The following SLC35D4 variants were observed in gnomAD, a reference collection of about 807,000 sequenced individuals.
SLC35D4 encodes the protein solute carrier family 35 member D4.
At chr18:23,337,581 A>T in the SLC35D4 span, among the ~76,000 whole-genome samples, 1 of 152,220 alleles carries the variant, frequency 6.6e-6, no homozygotes, top group Non-Finnish European at 1.5e-5. Context: ...AAACATCGAG[A>T]GTTTTACCAA....
chr18:23,365,805 A>G, the SLC35D4 span: 1 of 898,630 alleles, frequency 1.1e-6, no homozygotes, highest in Non-Finnish European at 1.7e-6. Flanking sequence ...GCCTAAATCC[A>G]GCTCCTCAGA....
chr18:23,384,340 T>C, the SLC35D4 span, among the ~76,000 whole-genome samples: 1 of 151,278 alleles, frequency 6.6e-6, no homozygotes, highest in Admixed American at 6.6e-5. Flanking sequence ...TGAAATCAAA[T>C]AGCAAATGCC....
the SLC35D4 span, among the ~76,000 whole-genome samples, chr18:23,419,402 C>T: frequency 6.6e-6 from 1 of 152,016 alleles, no homozygotes; most frequent in Non-Finnish European, 1.5e-5. Flanking sequence ...AAGCGATTCT[C>T]CTGCCTCAGC....
the SLC35D4 span, among the ~76,000 whole-genome samples, chr18:23,313,486 A>G: frequency 6.6e-6 from 1 of 152,150 alleles, no homozygotes; most frequent in Non-Finnish European, 1.5e-5. Context: ...GCAAAACTTT[A>G]ATTCCTGACT....
chr18:23,383,640 C>G, the SLC35D4 span, among the ~76,000 whole-genome samples: 2 of 151,966 alleles, frequency 1.3e-5, no homozygotes, highest in Non-Finnish European at 2.9e-5. Context: ...GGGAGGTGCA[C>G]GGGCAAGGCA....
chr18:23,430,602 T>C, the SLC35D4 span: 30 of 1,563,840 alleles, frequency 1.9e-5, no homozygotes, highest in South Asian at 3.5e-4. Context: ...TTCCTAAAAA[T>C]GTATATAAAG....
At chr18:23,276,174 G>A in the SLC35D4 span, among the ~76,000 whole-genome samples, 9 of 151,524 alleles carry the variant, frequency 5.9e-5, no homozygotes, top group South Asian at 1.2e-3. Flanking sequence ...TGCAAGCTCC[G>A]CCTCCCGGGT....
At chr18:23,436,715 C>A in the SLC35D4 span, among the ~76,000 whole-genome samples, 1 of 152,142 alleles carries the variant, frequency 6.6e-6, no homozygotes, top group Non-Finnish European at 1.5e-5. Flanking sequence ...ATCGCTTGAA[C>A]CCAGGAGGCA....
the SLC35D4 span, among the ~76,000 whole-genome samples, chr18:23,290,713 A>C: frequency 2.0e-5 from 3 of 148,738 alleles, no homozygotes; most frequent in African/African-American, 5.0e-5. Flanking sequence ...TGCAACCTCC[A>C]CTTCTTGGGT....
chr18:23,314,732 A>AT, the SLC35D4 span, among the ~76,000 whole-genome samples: 2,623 of 152,230 alleles, frequency 0.017, 35 homozygotes, highest in Non-Finnish European at 0.028. Context: ...TAAAAAACAG[A>AT]TTTTTCCCAA....
At chr18:23,321,102 T>C in the SLC35D4 span, among the ~76,000 whole-genome samples, 1 of 152,194 alleles carries the variant, frequency 6.6e-6, no homozygotes, top group South Asian at 2.1e-4. Context: ...GCCAGATCTT[T>C]AGCCTACACC....
At chr18:23,252,726 C>T in the SLC35D4 span, among the ~76,000 whole-genome samples, 3 of 152,264 alleles carry the variant, frequency 2.0e-5, no homozygotes, top group South Asian at 2.1e-4. Context: ...GTCTACAGGC[C>T]GGCTTTCCTA....
chr18:23,411,467 A>G, the SLC35D4 span, among the ~76,000 whole-genome samples: 5 of 136,238 alleles, frequency 3.7e-5, no homozygotes, highest in Admixed American at 3.1e-4. Context: ...AAAGAAAGAA[A>G]AAAGAAAGAA....
the SLC35D4 span, among the ~76,000 whole-genome samples, chr18:23,301,760 G>A: frequency 2.0e-5 from 3 of 152,300 alleles, no homozygotes; most frequent in African/African-American, 7.2e-5. Flanking sequence ...AATTCCACTT[G>A]ACAAGGATAC....
At chr18:23,364,534 T>C in the SLC35D4 span, among the ~76,000 whole-genome samples, 1 of 152,200 alleles carries the variant, frequency 6.6e-6, no homozygotes, top group African/African-American at 2.4e-5. Context: ...AAAACTGTGA[T>C]GGAATAGGGT....
chr18:23,262,179 T>C, the SLC35D4 span, among the ~76,000 whole-genome samples: 1 of 152,358 alleles, frequency 6.6e-6, no homozygotes, highest in South Asian at 2.1e-4. Context: ...TCAGAGGTTG[T>C]TTTGACATGT....
At chr18:23,393,009 G>A in the SLC35D4 span, among the ~76,000 whole-genome samples, 2 of 152,006 alleles carry the variant, frequency 1.3e-5, no homozygotes, top group African/African-American at 2.4e-5. Context: ...TCCGCCTCCC[G>A]GGTTCAAGCG....
At chr18:23,309,241 TG>T in the SLC35D4 span, among the ~76,000 whole-genome samples, 1 of 151,750 alleles carries the variant, frequency 6.6e-6, no homozygotes, top group Non-Finnish European at 1.5e-5. Context: ...TGTGTGTGTG[TG>T]TGTGTGTGTG....
chr18:23,429,582 G>A, the SLC35D4 span, among the ~76,000 whole-genome samples: 1 of 152,120 alleles, frequency 6.6e-6, no homozygotes, highest in Non-Finnish European at 1.5e-5. Flanking sequence ...CGCCATGCTG[G>A]TCAGGCTGAT....
Sources: allele counts gnomAD v4.1 joint callset (sites outside exome capture counted in the v4.1 genomes callset), GRCh38; gene constraint gnomAD v4.1.1; transcripts MANE v1.5; gene names NCBI Gene and HGNC (gene_info 2026-07-23, HGNC 2026-07-21).